SATL1: variants seen among roughly 807,000 people sequenced by gnomAD.
SATL1 encodes the protein spermidine/spermine N(1)-acetyltransferase-like protein 1.
A neutral mutation model predicts 51.8 loss-of-function variants in SATL1; 47 were observed. The ratio of observed to expected loss-of-function variants is 0.91; its 90% CI spans 0.72 to 1.16. SATL1 has a LOEUF of 1.16. Among genes scored for constraint, SATL1 ranks in the 50% most tolerant of loss-of-function variants. The probability of loss-of-function intolerance (pLI) is 0.00; values close to 1 mark genes in which losing one functional copy is unlikely to be tolerated. For missense variants in SATL1, 520 were observed against 526.4 expected (o/e 0.99, Z 0.12); for synonymous variants, 176 against 182.4 (o/e 0.97, Z 0.28).
chrX:85,210,413 AAAAAAAAAAAGG>A, intron 2 of SATL1: 1 of 107,161 alleles, frequency 9.3e-6, no homozygotes, highest in Admixed American at 1.0e-4. Flanking sequence ...AAAAAAAAAA[AAAAAAAAAAAGG>A]AGGCACACAG....
intron 1 of SATL1, among the ~76,000 whole-genome samples, chrX:85,237,604 T>A (rs1024499753): frequency 1.8e-5 from 2 of 111,548 alleles, no homozygotes; most frequent in Non-Finnish European, 1.9e-5. Flanking sequence ...TTCAAGCTAA[T>A]AAACTACTAA....
At chrX:85,188,506 C>T (rs759567226) in intron 2 of SATL1, among the ~76,000 whole-genome samples, 1 of 111,037 alleles carries the variant, frequency 9.0e-6, no homozygotes, top group Non-Finnish European at 1.9e-5. Flanking sequence ...TGCACCTGGG[C>T]GCAGTGGCTT....
intron 1 of SATL1, among the ~76,000 whole-genome samples, chrX:85,226,256 G>GAACT (rs2147763459): frequency 9.0e-6 from 1 of 110,849 alleles, no homozygotes; most frequent in South Asian, 3.8e-4. Flanking sequence ...CTTGCTCTAA[G>GAACT]AACTCTAGCT....
intron 2 of SATL1, among the ~76,000 whole-genome samples, chrX:85,171,226 G>A (rs971135369): frequency 3.6e-5 from 4 of 110,989 alleles, no homozygotes; most frequent in African/African-American, 9.8e-5. Context: ...TGCTTTAGGC[G>A]CCCTAGTGAT....
chrX:85,149,384 C>T (rs1441074118), intron 2 of SATL1, among the ~76,000 whole-genome samples: 1 of 111,497 alleles, frequency 9.0e-6, no homozygotes, highest in African/African-American at 3.3e-5. Flanking sequence ...TAACACCCCA[C>T]TGTCAACATT....
At chrX:85,117,395 T>C (rs191288195) in intron 2 of SATL1, 1 of 111,982 alleles carries the variant, frequency 8.9e-6, no homozygotes, top group East Asian at 2.8e-4. Context: ...CAACTCCGGC[T>C]TGGTTTCATC....
At chrX:85,141,126 G>A (rs190183920) in intron 2 of SATL1, among the ~76,000 whole-genome samples, 80 of 111,443 alleles carry the variant, frequency 7.2e-4, no homozygotes, top group Non-Finnish European at 1.3e-3. Context: ...CAGGCAGAAA[G>A]GGGCTGCAAG....
intron 2 of SATL1, among the ~76,000 whole-genome samples, chrX:85,156,028 A>G (rs1317776869): frequency 3.6e-5 from 4 of 111,635 alleles, no homozygotes; most frequent in Admixed American, 9.6e-5. Context: ...TTTTAATGGT[A>G]TAATTAAGTT....
At chrX:85,129,742 CTTCCAG>C (rs779631070) in intron 2 of SATL1, among the ~76,000 whole-genome samples, 1 of 111,622 alleles carries the variant, frequency 9.0e-6, no homozygotes, top group South Asian at 3.8e-4. Context: ...AAAGGGAATG[CTTCCAG>C]TTTTTGCCCA....
intron 2 of SATL1, among the ~76,000 whole-genome samples, chrX:85,117,898 G>A (rs1925415098): frequency 9.1e-6 from 1 of 109,586 alleles, no homozygotes; most frequent in Non-Finnish European, 1.9e-5. Context: ...TTTCAATTAA[G>A]GGAAAATCTC....
At chrX:85,171,394 T>A (rs1926970374) in intron 2 of SATL1, among the ~76,000 whole-genome samples, 1 of 111,967 alleles carries the variant, frequency 8.9e-6, no homozygotes, top group Non-Finnish European at 1.9e-5. Flanking sequence ...TTATTTCAAT[T>A]ATGTTATTGA....
chrX:85,187,304 C>T (rs1453082743), intron 2 of SATL1, among the ~76,000 whole-genome samples: 3 of 111,154 alleles, frequency 2.7e-5, no homozygotes, highest in Non-Finnish European at 5.7e-5. Context: ...AATTTGGATG[C>T]CCTTTATTTA....
In SATL1 at chrX:85,092,652, A is replaced by T; in HGVS notation, c.1918-91T>A. 7.3e-6 allele frequency: 6 copies of T among 826,953 alleles called. No individual in the cohort carries two copies. The South Asian group carries it at 1.8e-4, about 25-fold the overall frequency. 68.2% of individuals were successfully genotyped at this position (826,953 alleles called of 1,213,427 possible). On this transcript the variant is annotated intron_variant, in intron 7 of 7. Transcript: ENST00000644105. ...TTTTATTGAAGGTCTACTCTATGCA[A>T]GACACTATGTGTGAATAATACTTCC...
chrX:85,231,452 A>C (rs1185536467), intron 1 of SATL1, among the ~76,000 whole-genome samples: 1 of 111,823 alleles, frequency 8.9e-6, no homozygotes, highest in Non-Finnish European at 1.9e-5. Flanking sequence ...TCCACACAAA[A>C]AGCTACCTTC....
intron 7 of SATL1, 23 bp from the exon 8 acceptor site, chrX:85,092,584 A>G (rs780993164): frequency 6.8e-6 from 8 of 1,175,471 alleles, no homozygotes; most frequent in Middle Eastern, 4.8e-4. Flanking sequence ...AAACAAGCAA[A>G]TATTACTTTC....
chrX:85,205,940 A>G (rs1927782968), intron 2 of SATL1, among the ~76,000 whole-genome samples: 1 of 111,905 alleles, frequency 8.9e-6, no homozygotes, highest in Non-Finnish European at 1.9e-5. Context: ...TATAAATAGA[A>G]CAAACAAAAC....
intron 2 of SATL1, among the ~76,000 whole-genome samples, chrX:85,122,100 C>G (rs765940332): frequency 9.1e-6 from 1 of 109,515 alleles, no homozygotes; most frequent in Admixed American, 9.8e-5. Flanking sequence ...CTCTCTCGCT[C>G]TCATATTCAG....
chrX:85,219,517 T>C (rs185403545), intron 2 of SATL1: 5 of 112,127 alleles, frequency 4.5e-5, no homozygotes, highest in Non-Finnish European at 9.4e-5. Context: ...CTTTATAAAG[T>C]GCTCAGTGAA....
rs1928704873 is a variant in SATL1 at position 85,243,701 on chromosome X, C to T, written c.-548G>A. On this transcript the variant is annotated 5_prime_UTR_variant, in exon 1 of 8. Transcript: ENST00000644105. ...AGGTTCAGTCATTGATTATCCTCCT[C>T]CCTTTCTTCGTTTCCCTTGGGAAAC... 1.8e-5 allele frequency: 2 copies of T among 110,320 alleles called. No homozygotes were observed. The highest frequency in any genetic ancestry group is 3.8e-5 in the Non-Finnish European group (2 of 52,722). 9.1% of individuals were successfully genotyped at this position (110,320 alleles called of 1,213,427 possible). A position where few individuals can be genotyped will look rare whatever the true frequency, so the allele number is the denominator to read the frequency against.
Sources: gnomAD v4.1 joint callset for allele counts (sites outside exome capture counted in the v4.1 genomes callset) on GRCh38, gnomAD v4.1.1 for gene constraint, MANE v1.5 for transcripts, NCBI Gene and HGNC (gene_info 2026-07-23, HGNC 2026-07-21) for gene names.